The following XG variants were observed in gnomAD, a reference collection of about 807,000 sequenced individuals.
The protein encoded by XG is Xg glycoprotein (Xg blood group), also known as glycoprotein Xg.
A neutral mutation model predicts 25.7 loss-of-function variants in XG; 24 were observed. The ratio of observed to expected loss-of-function variants is 0.93; its 90% CI spans 0.68 to 1.31. The LOEUF is 1.31. XG is among the 40% of genes most tolerant of loss of function. The pLI is 0.00. For missense variants in XG, 181 were observed against 187.6 expected, an observed-to-expected ratio of 0.96 and a Z score of 0.21; for synonymous variants, 77 against 69.2, an observed-to-expected ratio of 1.11 and a Z score of -0.56.
chrX:2,798,211 C>T (rs1043370446), intron 7 of XG, among the ~76,000 whole-genome samples: 6 of 111,348 alleles, frequency 5.4e-5, no homozygotes, highest in African/African-American at 2.0e-4. Flanking sequence ...CTCAGATCCT[C>T]TCCGGTTTGG....
At position 2,797,297 on chromosome X, in the gene XG, CTCTG is replaced by C. The variant is rs757216217; in HGVS notation, c.323-9_323-6del. On this transcript the variant is annotated splice_polypyrimidine_tract_variant and intron_variant, in intron 6 of 10. Coordinates refer to ENST00000644266, the MANE Select transcript of XG (RefSeq NM_001141919.2). The stretch of plus-strand genomic sequence containing the variant: ...CCTGAACATCCCTCAACTCTACCTT[CTCTG>C]TCTAACAGGAGGTGGCGGCGGTGGC... 2.8e-5 allele frequency: 34 copies of C among 1,208,662 alleles called. No individual in the cohort carries two copies. The highest frequency in any genetic ancestry group is 3.1e-5 in the Non-Finnish European group (28 of 894,640).
At chrX:2,811,595 A>G in intron 10 of XG, 143 bp downstream of exon 10, 1 of 443,930 alleles carries the variant, frequency 2.3e-6, no homozygotes, top group Non-Finnish European at 3.8e-6. Context: ...ATTTTTTAAA[A>G]TTTATTTTTA....
intron 4 of XG, among the ~76,000 whole-genome samples, 178 bp from the exon 5 acceptor site, chrX:2,789,466 T>G (rs868479517): frequency 3.4e-5 from 3 of 88,022 alleles, no homozygotes; most frequent in Non-Finnish European, 7.0e-5. Flanking sequence ...GTGTAAGTTT[T>G]TGTTTTTTCA....
chrX:2,784,601 AAACTT>A (rs1386455099), intron 4 of XG, among the ~76,000 whole-genome samples: 19 of 110,732 alleles, frequency 1.7e-4, no homozygotes, highest in African/African-American at 5.9e-4. Flanking sequence ...AAGAAAAAAA[AAACTT>A]AAAATGCGAG....
chrX:2,814,431 C>T lies in XG; in HGVS notation c.*51C>T, dbSNP rs370219409. 3 of 1,166,948 alleles carry T rather than the reference C, an allele frequency of 2.6e-6. No homozygotes were observed. Among genetic ancestry groups the T allele is most frequent in the Admixed American group, 2.4e-5 (1 of 41,296 alleles). Reference sequence around the variant, plus strand: ...TGAGAAAAACAACTAAAACAAGAACCGTGTTTATCACTGTTGTGGAGATTT... The same window carrying T: ...TGAGAAAAACAACTAAAACAAGAACTGTGTTTATCACTGTTGTGGAGATTT... On this transcript the variant is annotated 3_prime_UTR_variant, in exon 11 of 11. Coordinates refer to ENST00000644266, the MANE Select transcript of XG (RefSeq NM_001141919.2).
chrX:2,789,401 A>G (rs1024531105), intron 4 of XG, among the ~76,000 whole-genome samples: 55 of 112,369 alleles, frequency 4.9e-4, no homozygotes, highest in African/African-American at 1.7e-3. Context: ...TCAACAACGC[A>G]CTTTCTGCCC....
chrX:2,776,788 C>T (rs2051005576), intron 3 of XG, among the ~76,000 whole-genome samples: 1 of 151,536 alleles, frequency 6.6e-6, no homozygotes, highest in African/African-American at 2.4e-5. Flanking sequence ...GCGGAGCTTG[C>T]AGTGAGCCGA....
At chrX:2,769,272 G>T (rs1469813135) in intron 1 of XG, among the ~76,000 whole-genome samples, 8 of 152,194 alleles carry the variant, frequency 5.3e-5, no homozygotes, top group East Asian at 3.8e-4. Context: ...CAGAGCGGGG[G>T]AGACCCAGTA....
At chrX:2,807,298 G>A (rs948183271) in intron 8 of XG, among the ~76,000 whole-genome samples, 6 of 113,298 alleles carry the variant, frequency 5.3e-5, no homozygotes, top group Non-Finnish European at 1.1e-4. Flanking sequence ...GGGTGTGCAA[G>A]CACATGTGTG....
intron 7 of XG, among the ~76,000 whole-genome samples, chrX:2,804,592 C>T (rs1444857935): frequency 9.0e-6 from 1 of 111,596 alleles, no homozygotes; most frequent in Admixed American, 9.5e-5. Context: ...ACCCCATGCA[C>T]GATTCTCTGA....
intron 9 of XG, 70 bp downstream of exon 9, chrX:2,808,290 G>T (rs368948506): frequency 3.1e-5 from 35 of 1,133,335 alleles, no homozygotes; most frequent in Non-Finnish European, 4.2e-5. Flanking sequence ...GCTGGGAGGA[G>T]CTGTGTGGGC....
At chrX:2,771,534 G>A (rs311150) in intron 2 of XG, among the ~76,000 whole-genome samples, 76,890 of 152,068 alleles carry the variant, frequency 0.51, 20,048 homozygotes, top group South Asian at 0.65. Flanking sequence ...CAGATAGTCT[G>A]ATTGAGATTC....
intron 1 of XG, among the ~76,000 whole-genome samples, chrX:2,764,676 G>A (rs1258364064): frequency 6.6e-6 from 1 of 151,932 alleles, no homozygotes; most frequent in Non-Finnish European, 1.5e-5. Flanking sequence ...TTCATCTGCA[G>A]CAGCTGACCC....
chrX:2,781,309 A>T (rs6655036), intron 3 of XG, among the ~76,000 whole-genome samples: 28,764 of 151,192 alleles, frequency 0.19, 3,023 homozygotes, highest in East Asian at 0.35. Context: ...GGCCTCCACA[A>T]ACAAGTTTAT....
intron 4 of XG, among the ~76,000 whole-genome samples, chrX:2,787,860 T>C (rs1199253462): frequency 2.9e-5 from 3 of 103,649 alleles, no homozygotes; most frequent in African/African-American, 1.1e-4. Flanking sequence ...GGAGCCGAGA[T>C]TGTGCCACTG....
At chrX:2,760,492 T>C (rs772205000) in intron 1 of XG, among the ~76,000 whole-genome samples, 103 of 150,952 alleles carry the variant, frequency 6.8e-4, no homozygotes, top group Non-Finnish European at 1.3e-3. Context: ...TCCCAGCACT[T>C]TGGGAGGCTG....
chrX:2,783,965 T>C (rs1203296470), intron 4 of XG, among the ~76,000 whole-genome samples: 1 of 110,881 alleles, frequency 9.0e-6, no homozygotes, highest in Non-Finnish European at 1.9e-5. Flanking sequence ...CAGAATGAGA[T>C]TCTGTCTCGA....
chrX:2,765,869 G>A lies in XG; in HGVS notation c.62-4681G>A, dbSNP rs368855072. 8.5e-5 allele frequency among the ~76,000 whole-genome samples: 13 copies of A among 152,344 alleles called. No homozygotes were observed. In the East Asian group the frequency reaches 1.5e-3, roughly 18 times the overall value. On this transcript the variant is annotated intron_variant, in intron 1 of 10. Transcript: ENST00000644266. ...TTTGTTATATTGACTTTCTGGGGTC[G>A]TGGCCCCTGAAGCATTACTGAAAAT...
intron 7 of XG, among the ~76,000 whole-genome samples, chrX:2,801,717 A>T (rs768691283): frequency 3.6e-4 from 39 of 107,644 alleles, no homozygotes; most frequent in East Asian, 8.7e-4. Flanking sequence ...TTTATTTTTT[A>T]TTTTTTTTTG....
Sources: allele counts gnomAD v4.1 joint callset (sites outside exome capture counted in the v4.1 genomes callset), GRCh38; gene constraint gnomAD v4.1.1; transcripts MANE v1.5; gene names NCBI Gene and HGNC (gene_info 2026-07-23, HGNC 2026-07-21).